Variants in MTHFD2 observed in about 807,000 individuals in gnomAD.
MTHFD2 encodes the protein bifunctional methylenetetrahydrofolate dehydrogenase/cyclohydrolase, mitochondrial.
Under a neutral mutation model 36.8 loss-of-function variants are expected in MTHFD2, and 26 were observed. The observed-to-expected ratio is 0.71, with a 90% CI of 0.52 to 0.98. The LOEUF (loss-of-function observed/expected upper bound fraction) is 0.98, where lower values mean the gene tolerates loss of function less well. Ranked by LOEUF, MTHFD2 falls within the 50% of genes least tolerant of loss-of-function variation. The probability of loss-of-function intolerance (pLI) is 0.00; values close to 1 mark genes in which losing one functional copy is unlikely to be tolerated. For missense variants in MTHFD2, 373 were observed against 434.0 expected, an observed-to-expected ratio of 0.86 and a Z score of 1.25; for synonymous variants, 164 against 155.2, an observed-to-expected ratio of 1.06 and a Z score of -0.42.
intron 7 of MTHFD2, among the ~76,000 whole-genome samples, chr2:74,213,081 T>C (rs1243951835): frequency 1.3e-5 from 2 of 151,880 alleles, no homozygotes; most frequent in South Asian, 2.1e-4. Flanking sequence ...TTTTTTGTAT[T>C]TTCAGTAGAG....
At chr2:74,201,314 T>G (rs1235703220) in intron 1 of MTHFD2, among the ~76,000 whole-genome samples, 1 of 152,098 alleles carries the variant, frequency 6.6e-6, no homozygotes, top group Non-Finnish European at 1.5e-5. Flanking sequence ...CTTGACTTCT[T>G]CCTATTCTGT....
chr2:74,199,382 G>C (rs1400357969), intron 1 of MTHFD2, among the ~76,000 whole-genome samples: 1 of 152,212 alleles, frequency 6.6e-6, no homozygotes, highest in Non-Finnish European at 1.5e-5. Context: ...TGCGTACATA[G>C]AGGTGGCAAA....
In MTHFD2 at chr2:74,207,814, T is replaced by C. The variant is rs762032359; in HGVS notation, c.397T>C (p.Leu133=). ...DDNVDGLLVQ[L]PLPEHIDERR... ...TAATGTAGATGGCCTCCTTGTTCAG[T>C]TGCCTCTTCCAGGTGAGTTTTGGAC... is the stretch of plus-strand genomic sequence containing the variant. The change falls in exon 3 of 8, where the codon TTG becomes CTG. Residue 133 remains leucine, a synonymous_variant. Transcript: ENST00000394053. 5 of 1,578,556 alleles carry C rather than the reference T, an allele frequency of 3.2e-6. No homozygotes were observed. The highest frequency in any genetic ancestry group is 4.3e-6 in the Non-Finnish European group (5 of 1,153,026).
At chr2:74,210,789 T>TTTG (rs1694286007) in intron 5 of MTHFD2, among the ~76,000 whole-genome samples, 1 of 150,094 alleles carries the variant, frequency 6.7e-6, no homozygotes, top group Admixed American at 6.7e-5. Flanking sequence ...AAGTCAGTTT[T>TTTG]TTTTTTTTTT....
intron 5 of MTHFD2, among the ~76,000 whole-genome samples, chr2:74,210,978 G>C (rs949343582): frequency 1.3e-5 from 2 of 152,124 alleles, no homozygotes; most frequent in African/African-American, 4.8e-5. Flanking sequence ...GTAGAGACGG[G>C]GTTTCACCAT....
intron 2 of MTHFD2, 91 bp from the exon 3 acceptor site, chr2:74,207,613 A>G: frequency 7.9e-7 from 1 of 1,273,714 alleles, no homozygotes; most frequent in Non-Finnish European, 1.1e-6. Context: ...GATGATACAA[A>G]ACCCGTATGG....
intron 5 of MTHFD2, 121 bp from the exon 6 acceptor site, chr2:74,211,078 C>T (rs1370771204): frequency 1.5e-6 from 1 of 659,526 alleles, no homozygotes; most frequent in African/African-American, 1.8e-5. Context: ...AGCCACTGCA[C>T]CTGGCCGTAA....
Position 74,208,572 on chromosome 2 carries a change from A to C in MTHFD2, c.413A>C (p.His138Pro). 6.2e-7 allele frequency: 1 copy of C among 1,613,996 alleles called. No homozygotes were observed. Among genetic ancestry groups the C allele is most frequent in the African/African-American group, 1.3e-5 (1 of 75,048 alleles). ...ACTGTGCCAATTTCTTTTTCAGAGC[A>C]TATTGATGAGAGAAGGATCTGCAAT... ...GLLVQLPLPEHIDERRICNAV... is the reference protein window; with the variant it reads ...GLLVQLPLPEPIDERRICNAV... The change falls in exon 4 of 8, where the codon CAT becomes CCT. Residue 138 changes from histidine to proline, a missense_variant. Around this residue, in one of 2 missense-constraint regions of MTHFD2, gnomAD observed 308 missense variants for 397.8 expected, o/e 0.77. Transcript: ENST00000394053.
intron 1 of MTHFD2, among the ~76,000 whole-genome samples, chr2:74,202,209 G>A (rs1233546194): frequency 6.6e-6 from 1 of 151,874 alleles, no homozygotes; most frequent in African/African-American, 2.4e-5. Flanking sequence ...ATCTCCTTAT[G>A]TGTAAGTGTA....
At chr2:74,212,263 CTTTTTTTTT>C (rs398042480) in intron 7 of MTHFD2, among the ~76,000 whole-genome samples, 3 of 35,718 alleles carry the variant, frequency 8.4e-5, no homozygotes, top group African/African-American at 1.4e-4. Context: ...GTTTCTTTCT[CTTTTTTTTT>C]TTTTTTTTTT....
chr2:74,209,868 A>C lies in MTHFD2; in HGVS notation c.563-74A>C, dbSNP rs145194130. 1.5e-4 allele frequency: 195 copies of C among 1,314,980 alleles called. No homozygotes were observed. In the African/African-American group the frequency reaches 2.6e-3, roughly 17 times the overall value. 81.5% of individuals were successfully genotyped at this position (1,314,980 alleles called of 1,614,324 possible). Reference sequence around the variant, plus strand: ...TGACTGATGAGGCAAAATTGGGTTCATGTTCTAGGCCATCTGACTTTGTTT... The same window carrying C: ...TGACTGATGAGGCAAAATTGGGTTCCTGTTCTAGGCCATCTGACTTTGTTT... On this transcript the variant is annotated intron_variant, in intron 4 of 7. Transcript: ENST00000394053.
At chr2:74,206,723 T>A (rs1694189226) in intron 2 of MTHFD2, 1 of 152,120 alleles carries the variant, frequency 6.6e-6, no homozygotes, top group Admixed American at 6.6e-5. Flanking sequence ...TGTTTTGTTT[T>A]TTGAGACGGC....
chr2:74,202,331 T>A (rs780273773), intron 1 of MTHFD2, among the ~76,000 whole-genome samples: 2 of 152,190 alleles, frequency 1.3e-5, no homozygotes, highest in African/African-American at 2.4e-5. Flanking sequence ...GCACATTATA[T>A]ATGTTTGTTA....
chr2:74,210,183 C>A, intron 5 of MTHFD2, 134 bp downstream of exon 5: 1 of 592,074 alleles, frequency 1.7e-6, no homozygotes, highest in Non-Finnish European at 2.7e-6. Flanking sequence ...ACAGACAATT[C>A]AGGGAGTAAC....
rs535144719 is a variant in MTHFD2, at chr2:74,211,246, T to C, written c.718T>C (p.Leu240=). ...TCATCGATATACTCCCAAAGAGCAG[T>C]TGAAGAAACATACAATTCTTGCAGA... ...ISHRYTPKEQ[L]KKHTILADIV... The change falls in exon 6 of 8, where the codon TTG becomes CTG. Residue 240 remains leucine (L), a synonymous_variant. Transcript: ENST00000394053. 3.1e-5 allele frequency: 50 copies of C among 1,609,608 alleles called. 1 individual carries two copies. The South Asian group carries it at 4.8e-4, about 16-fold the overall frequency.
In MTHFD2 at chr2:74,198,637, G is replaced by C; in HGVS notation, c.-5G>C. On this transcript the variant is annotated 5_prime_UTR_variant, in exon 1 of 8. Transcript: ENST00000394053. ...TCCCTCCCGGCGCAGTCACCGGCGCGGTCTATGGCTGCGACTTCTCTAATG... is the reference window on the plus strand; with the variant it reads ...TCCCTCCCGGCGCAGTCACCGGCGCCGTCTATGGCTGCGACTTCTCTAATG... 3 of 1,600,112 alleles carry C rather than the reference G, an allele frequency of 1.9e-6. No homozygotes were observed. The highest frequency in any genetic ancestry group is 1.3e-5 in the African/African-American group (1 of 74,446).
chr2:74,199,254 G>A (rs1693982767), intron 1 of MTHFD2, among the ~76,000 whole-genome samples: 3 of 152,138 alleles, frequency 2.0e-5, no homozygotes, highest in Admixed American at 2.0e-4. Flanking sequence ...TCCCCGCGCC[G>A]CCCTCCTCCC....
At chr2:74,212,433 A>G (rs1235755472) in intron 7 of MTHFD2, among the ~76,000 whole-genome samples, 1 of 151,096 alleles carries the variant, frequency 6.6e-6, no homozygotes, top group African/African-American at 2.4e-5. Flanking sequence ...CGCCCAACTA[A>G]TTTTGTGTAT....
At chr2:74,202,208 T>C (rs939732975) in intron 1 of MTHFD2, among the ~76,000 whole-genome samples, 1 of 152,136 alleles carries the variant, frequency 6.6e-6, no homozygotes, top group Admixed American at 6.6e-5. Context: ...TATCTCCTTA[T>C]GTGTAAGTGT....
Sources: gnomAD v4.1 joint callset for allele counts (sites outside exome capture counted in the v4.1 genomes callset) on GRCh38, gnomAD v4.1.1 for gene constraint, gnomAD v4.1.1 regional missense constraint, MANE v1.5 for transcripts, NCBI Gene and HGNC (gene_info 2026-07-23, HGNC 2026-07-21) for gene names.